Variants in DOCK8 observed in about 807,000 individuals in gnomAD.
DOCK8 encodes dedicator of cytokinesis 8.
In DOCK8, 141 loss-of-function variants were observed where a neutral mutation model predicts 245.6. The ratio of observed to expected loss-of-function variants is 0.57; its 90% CI spans 0.50 to 0.66. The LOEUF (loss-of-function observed/expected upper bound fraction) is 0.66, where lower values mean the gene tolerates loss of function less well. DOCK8 is among the 30% of genes least tolerant of loss of function. The pLI is 0.00. For missense variants in DOCK8, 2,965 were observed against 2,603.4 expected, an observed-to-expected ratio of 1.14 and a Z score of -3.02; for synonymous variants, 1,168 against 970.2, an observed-to-expected ratio of 1.20 and a Z score of -3.79.
At chr9:296,379 A>T (rs937236709) in intron 4 of DOCK8, among the ~76,000 whole-genome samples, 1 of 152,244 alleles carries the variant, frequency 6.6e-6, no homozygotes, top group African/African-American at 2.4e-5. Context: ...CTCTTAAGAA[A>T]TTAAACTTGT....
At chr9:375,886 A>G (rs567926653) in intron 18 of DOCK8, among the ~76,000 whole-genome samples, 3 of 152,148 alleles carry the variant, frequency 2.0e-5, no homozygotes, top group Non-Finnish European at 4.4e-5. Flanking sequence ...AGTCCCCGCT[A>G]CTCCAGAGAC....
chr9:267,195 G>GC (rs538219272), intron 1 of DOCK8, among the ~76,000 whole-genome samples: 108 of 152,250 alleles, frequency 7.1e-4, no homozygotes, highest in African/African-American at 2.6e-3. Context: ...TTATATGTAT[G>GC]CAATTTGTTT....
intron 26 of DOCK8, among the ~76,000 whole-genome samples, chr9:401,054 AT>A (rs1287050100): frequency 3.2e-5 from 3 of 95,226 alleles, no homozygotes; most frequent in African/African-American, 7.1e-5. Context: ...TTCTTCCACC[AT>A]CATCATTGTC....
At chr9:376,430 T>C in intron 19 of DOCK8, 125 bp downstream of exon 19, 2 of 786,532 alleles carry the variant, frequency 2.5e-6, no homozygotes, top group Non-Finnish European at 4.5e-6. Flanking sequence ...CTTTAGTTCT[T>C]TGTGGGGACA....
At chr9:282,846 A>G (rs2048650452) in intron 2 of DOCK8, among the ~76,000 whole-genome samples, 1 of 152,158 alleles carries the variant, frequency 6.6e-6, no homozygotes, top group African/African-American at 2.4e-5. Context: ...CCTTGCTTCA[A>G]ACTATGCTTC....
chr9:276,549 T>C (rs2048354560), intron 2 of DOCK8, among the ~76,000 whole-genome samples: 1 of 152,214 alleles, frequency 6.6e-6, no homozygotes. Context: ...AAGTTGGTTT[T>C]CTAGATGTGA....
intron 1 of DOCK8, among the ~76,000 whole-genome samples, chr9:232,900 G>C (rs1264085440): frequency 6.6e-6 from 1 of 152,132 alleles, no homozygotes; most frequent in Non-Finnish European, 1.5e-5. Flanking sequence ...GTTTCCTTCA[G>C]TTCTGCTCTG....
At position 275,559 on chromosome 9, in the gene DOCK8, T is replaced by C. The variant is rs531555757; in HGVS notation, c.156+3830T>C. On this transcript the variant is annotated intron_variant, in intron 2 of 47. Transcript: ENST00000432829. Reference sequence around the variant, plus strand: ...AACTTGAAGCCCAGGTTGAGAATCATTTAAACAGCTCTGTTATTTATTTAT... The same window carrying C: ...AACTTGAAGCCCAGGTTGAGAATCACTTAAACAGCTCTGTTATTTATTTAT... 2.2e-4 allele frequency among the ~76,000 whole-genome samples: 34 copies of C among 152,300 alleles called. No homozygotes were observed. In the South Asian group the frequency reaches 6.6e-3, roughly 30 times the overall value.
In DOCK8 at chr9:262,977, C is replaced by T. The variant is rs370971417; in HGVS notation, c.54-8650C>T. Reference sequence around the variant, plus strand: ...ATCCCAGCACTTTGGGAGGCCGAGGCGGGTGGATCACCTGAGGTCAGGAGT... The same window carrying T: ...ATCCCAGCACTTTGGGAGGCCGAGGTGGGTGGATCACCTGAGGTCAGGAGT... On this transcript the variant is annotated intron_variant, in intron 1 of 47. Coordinates refer to ENST00000432829, the MANE Select transcript of DOCK8 (RefSeq NM_203447.4). Among the ~76,000 whole-genome samples, 374 of 152,264 alleles carry T rather than the reference C, an allele frequency of 2.5e-3. 1 individual carries two copies. The highest frequency in any genetic ancestry group is 8.0e-3 in the African/African-American group (333 of 41,552).
intron 14 of DOCK8, among the ~76,000 whole-genome samples, chr9:350,575 T>C (rs2052114149): frequency 6.6e-6 from 1 of 152,188 alleles, no homozygotes; most frequent in African/African-American, 2.4e-5. Flanking sequence ...TTTGGTTTTC[T>C]GGCAGGTTTT....
chr9:373,371 C>T (rs1288693401), intron 18 of DOCK8, among the ~76,000 whole-genome samples: 1 of 152,140 alleles, frequency 6.6e-6, no homozygotes, highest in Non-Finnish European at 1.5e-5. Context: ...CATCACAATA[C>T]CATTGTCATA....
chr9:310,114 A>C (rs1460860348), intron 5 of DOCK8, among the ~76,000 whole-genome samples: 2 of 151,952 alleles, frequency 1.3e-5, no homozygotes, highest in Non-Finnish European at 2.9e-5. Context: ...CTAAAAATAC[A>C]AAATTAGCCA....
Position 383,087 on chromosome 9 carries a change from T to C in DOCK8, c.2778+402T>C, listed in dbSNP as rs2053793172. Among the ~76,000 whole-genome samples, 3 of 152,296 alleles carry C rather than the reference T, an allele frequency of 2.0e-5. 1 individual carries two copies. The South Asian group carries it at 6.2e-4, about 32-fold the overall frequency. ...TCTTACGTTCATTAACATCCACAGA[T>C]TGATTATCTCACAAAAAAGTCCAAA... On this transcript the variant is annotated intron_variant, in intron 22 of 47. Coordinates refer to ENST00000432829, the MANE Select transcript of DOCK8 (RefSeq NM_203447.4).
At chr9:376,014 C>T (rs2053500298) in intron 18 of DOCK8, among the ~76,000 whole-genome samples, 196 bp from the exon 19 acceptor site, 1 of 152,098 alleles carries the variant, frequency 6.6e-6, no homozygotes, top group African/African-American at 2.4e-5. Context: ...TGAATAAATA[C>T]ATAAATATTA....
At chr9:300,593 A>G (rs1032447017) in intron 4 of DOCK8, among the ~76,000 whole-genome samples, 3 of 152,196 alleles carry the variant, frequency 2.0e-5, no homozygotes, top group Non-Finnish European at 2.9e-5. Flanking sequence ...ATAGATCACT[A>G]ACTAGATTAA....
At chr9:302,324 T>G (rs476324) in intron 4 of DOCK8, among the ~76,000 whole-genome samples, 1 of 152,316 alleles carries the variant, frequency 6.6e-6, no homozygotes, top group South Asian at 2.1e-4. Context: ...GGACCCCTCC[T>G]TTTAATCATA....
intron 46 of DOCK8, among the ~76,000 whole-genome samples, chr9:453,244 C>G (rs771269734): frequency 1.3e-5 from 2 of 152,102 alleles, no homozygotes; most frequent in African/African-American, 4.8e-5. Context: ...TGTGGCTTTG[C>G]GTGTTTGTAT....
At chr9:293,032 T>A (rs2049109323) in intron 4 of DOCK8, among the ~76,000 whole-genome samples, 1 of 152,212 alleles carries the variant, frequency 6.6e-6, no homozygotes, top group Non-Finnish European at 1.5e-5. Context: ...GTTTTAATTT[T>A]ATGTTTGGCA....
intron 1 of DOCK8, among the ~76,000 whole-genome samples, chr9:245,391 A>G (rs2047483890): frequency 6.6e-6 from 1 of 151,762 alleles, no homozygotes; most frequent in Non-Finnish European, 1.5e-5. Context: ...ATTTTTTTGT[A>G]CAGATGGTGT....
Sources: allele counts gnomAD v4.1 joint callset (sites outside exome capture counted in the v4.1 genomes callset), GRCh38; gene constraint gnomAD v4.1.1; transcripts MANE v1.5; gene names NCBI Gene and HGNC (gene_info 2026-07-23, HGNC 2026-07-21).